NPSR1: variants seen among roughly 807,000 people sequenced by gnomAD.
The protein encoded by NPSR1 is neuropeptide S receptor.
NPSR1 carries 48 observed loss-of-function variants against 46.9 expected under a neutral mutation model. The observed-to-expected ratio is 1.02, with a 90% confidence interval of 0.81 to 1.30. NPSR1 has a LOEUF of 1.30. Ranked by LOEUF, NPSR1 falls within the 50% of genes most tolerant of loss-of-function variation. The pLI is 0.00. For missense variants in NPSR1, 450 were observed against 449.5 expected (o/e 1.00, Z -0.01); for synonymous variants, 176 against 168.1 (o/e 1.05, Z -0.36).
At chr7:34,795,049 A>G (rs563018084) in intron 3 of NPSR1, among the ~76,000 whole-genome samples, 1 of 152,280 alleles carries the variant, frequency 6.6e-6, no homozygotes, top group South Asian at 2.1e-4. Context: ...TTAAAAAAAG[A>G]AAAAAGAATT....
At chr7:34,826,046 A>G (rs995427512) in intron 4 of NPSR1, among the ~76,000 whole-genome samples, 1 of 152,144 alleles carries the variant, frequency 6.6e-6, no homozygotes, top group African/African-American at 2.4e-5. Flanking sequence ...AAATTGACCA[A>G]TGTTTACCAC....
chr7:34,731,976 T>C (rs1784438797), intron 2 of NPSR1, among the ~76,000 whole-genome samples: 1 of 147,702 alleles, frequency 6.8e-6, no homozygotes, highest in Admixed American at 6.8e-5. Flanking sequence ...AGGTCAGGAG[T>C]TCAAGACCAG....
chr7:34,692,576 T>G (rs1793320288), intron 2 of NPSR1, among the ~76,000 whole-genome samples: 1 of 152,128 alleles, frequency 6.6e-6, no homozygotes, highest in Non-Finnish European at 1.5e-5. Flanking sequence ...GTTTATAGAA[T>G]TCAATGCTTA....
At chr7:34,843,510 C>T (rs757921442) in intron 6 of NPSR1, among the ~76,000 whole-genome samples, 9 of 152,198 alleles carry the variant, frequency 5.9e-5, no homozygotes, top group Non-Finnish European at 8.8e-5. Flanking sequence ...CATGAGTTTT[C>T]GCAGGGACAT....
In NPSR1 at chr7:34,827,455, C is replaced by T; in HGVS notation, c.533C>T (p.Ser178Phe). Residue 178 changes from serine (S) to phenylalanine (F), a missense_variant, in exon 5 of 9, where the codon TCC (serine) becomes TTC (phenylalanine). Coordinates refer to ENST00000360581, the MANE Select transcript of NPSR1 (RefSeq NM_207172.2). Reference sequence around the variant, plus strand: ...GCCTGGAGCCTGTCTTTTCTGTTCTCCATTCCCACCCTGATCATATTTGGG... The same window carrying T: ...GCCTGGAGCCTGTCTTTTCTGTTCTTCATTCCCACCCTGATCATATTTGGG... Reference protein sequence around the residue: ...VIAWSLSFLFSIPTLIIFGKR... With the variant: ...VIAWSLSFLFFIPTLIIFGKR... 6.2e-7 allele frequency: 1 copy of T among 1,614,118 alleles called. No homozygotes were observed. Among genetic ancestry groups the T allele is most frequent in the South Asian group, 1.1e-5 (1 of 91,078 alleles).
intron 2 of NPSR1, among the ~76,000 whole-genome samples, chr7:34,737,624 T>A (rs1784741508): frequency 6.6e-6 from 1 of 152,196 alleles, no homozygotes; most frequent in Non-Finnish European, 1.5e-5. Flanking sequence ...GGCCACTCCC[T>A]CTTCTTGAAA....
At chr7:34,740,312 G>A (rs1392599655) in intron 2 of NPSR1, among the ~76,000 whole-genome samples, 1 of 151,786 alleles carries the variant, frequency 6.6e-6, no homozygotes, top group Non-Finnish European at 1.5e-5. Context: ...CTGAGAACCT[G>A]TCCCAGGCTA....
At chr7:34,708,768 A>G (rs1398644290) in intron 2 of NPSR1, among the ~76,000 whole-genome samples, 1 of 152,216 alleles carries the variant, frequency 6.6e-6, no homozygotes, top group Non-Finnish European at 1.5e-5. Flanking sequence ...TTATGAAGTT[A>G]TACATTTAGC....
At chr7:34,791,136 A>ATG (rs1787829058) in intron 3 of NPSR1, among the ~76,000 whole-genome samples, 27 of 129,650 alleles carry the variant, frequency 2.1e-4, no homozygotes, top group Admixed American at 4.4e-4. Flanking sequence ...TATGTTATAT[A>ATG]TTATATATAA....
chr7:34,703,438 AGAG>A (rs1793949433), intron 2 of NPSR1, among the ~76,000 whole-genome samples: 1 of 152,096 alleles, frequency 6.6e-6, no homozygotes, highest in Non-Finnish European at 1.5e-5. Flanking sequence ...CCAGCGCATC[AGAG>A]AAGAACCCAC....
At chr7:34,777,899 C>T (rs1787044574) in intron 2 of NPSR1, among the ~76,000 whole-genome samples, 1 of 152,060 alleles carries the variant, frequency 6.6e-6, no homozygotes, top group African/African-American at 2.4e-5. Context: ...GTAATTCAAC[C>T]AAGTATATTA....
At chr7:34,741,648 G>T (rs770663161) in intron 2 of NPSR1, among the ~76,000 whole-genome samples, 14 of 152,246 alleles carry the variant, frequency 9.2e-5, no homozygotes, top group Non-Finnish European at 1.8e-4. Context: ...TCTAAGTTAG[G>T]TAAAACAAAG....
intron 2 of NPSR1, among the ~76,000 whole-genome samples, chr7:34,722,791 T>A (rs577173296): frequency 6.6e-6 from 1 of 152,176 alleles, no homozygotes; most frequent in South Asian, 2.1e-4. Flanking sequence ...CAGTTCCGTA[T>A]GTCAGCATCA....
intron 2 of NPSR1, among the ~76,000 whole-genome samples, chr7:34,712,236 A>G (rs1234446342): frequency 6.6e-6 from 1 of 152,172 alleles, no homozygotes; most frequent in African/African-American, 2.4e-5. Flanking sequence ...CTAACACATG[A>G]TATATACTTA....
chr7:34,710,817 C>A, intron 2 of NPSR1: 1 of 512,634 alleles, frequency 2.0e-6, no homozygotes, highest in Non-Finnish European at 3.6e-6. Flanking sequence ...TAAGAAAAAG[C>A]AAAGGAATTT....
At chr7:34,690,328 G>A (rs891383834) in intron 2 of NPSR1, among the ~76,000 whole-genome samples, 7 of 152,014 alleles carry the variant, frequency 4.6e-5, no homozygotes, top group African/African-American at 4.8e-5. Context: ...GAAATAACTC[G>A]GAATGTATGA....
chr7:34,802,231 G>A (rs531936258), intron 3 of NPSR1, among the ~76,000 whole-genome samples: 2 of 150,278 alleles, frequency 1.3e-5, no homozygotes, highest in South Asian at 4.2e-4. Flanking sequence ...ACTTCATATG[G>A]AACCAAAAAA....
intron 4 of NPSR1, among the ~76,000 whole-genome samples, 172 bp from the exon 5 acceptor site, chr7:34,827,229 C>T (rs1325643279): frequency 6.6e-6 from 1 of 152,202 alleles, no homozygotes; most frequent in Admixed American, 6.5e-5. Flanking sequence ...TTCACATTGA[C>T]AATGTATGGA....
chr7:34,736,232 G>T (rs1244554511), intron 2 of NPSR1, among the ~76,000 whole-genome samples: 4 of 152,030 alleles, frequency 2.6e-5, no homozygotes, highest in Admixed American at 6.6e-5. Context: ...CAACCTCTCT[G>T]CCCTCCCCGT....
Sources: gnomAD v4.1 joint callset for allele counts (sites outside exome capture counted in the v4.1 genomes callset) on GRCh38, gnomAD v4.1.1 for gene constraint, MANE v1.5 for transcripts, NCBI Gene and HGNC (gene_info 2026-07-23, HGNC 2026-07-21) for gene names.